Variants in PHLPP1 observed in about 807,000 individuals in gnomAD.
PHLPP1 encodes the protein PH domain and leucine rich repeat protein phosphatase 1.
In PHLPP1, 42 loss-of-function variants were observed where a neutral mutation model predicts 117.2. The ratio of observed to expected loss-of-function variants is 0.36; its 90% CI spans 0.28 to 0.46. PHLPP1 has a LOEUF of 0.46. PHLPP1 is among the 20% of genes least tolerant of loss of function. The pLI is 1.00. For synonymous variants in PHLPP1, 1,042 were observed against 970.7 expected, an observed-to-expected ratio of 1.07 and a Z score of -1.37; for missense variants, 2,084 against 2,241.9, an observed-to-expected ratio of 0.93 and a Z score of 1.42.
chr18:62,978,669 G>A lies in PHLPP1; in HGVS notation c.4392G>A (p.Leu1464=). Residue 1464 remains leucine (L), a synonymous_variant, in exon 17 of 17, where the codon CTG becomes CTA. Coordinates refer to ENST00000262719, the MANE Select transcript of PHLPP1 (RefSeq NM_194449.4). This position sits in a 1 kb window ranked among gnomAD's most constrained non-coding sequence, Gnocchi z 7.0. ...TCAAGGATCGGCCCTCAGATGGGCT[G>A]GGCGTGCCGTCCTCCAGCAGCGGCA... ...MVIKDRPSDG[L]GVPSSSSGMA... The A allele has an allele frequency of 6.2e-7, 1 of 1,613,898 alleles. No homozygotes were observed. The highest frequency in any genetic ancestry group is 8.5e-7 in the Non-Finnish European group (1 of 1,179,868).
chr18:62,715,661 G>C lies in PHLPP1; in HGVS notation c.-23G>C. 1 of 1,269,970 alleles carries C rather than the reference G, an allele frequency of 7.9e-7. No individual in the cohort carries two copies. Among genetic ancestry groups the C allele is most frequent in the Non-Finnish European group, 9.9e-7 (1 of 1,008,732 alleles). The allele number at this position is 1,269,970 out of a possible 1,614,324, so 78.7% of individuals were successfully genotyped here. On this transcript the variant is annotated 5_prime_UTR_variant, in exon 1 of 17. Transcript: ENST00000262719. ...CCGCCCGCTGCCTCCGGAGCTGGGG[G>C]GGAAACGCGAAGCCCCACTGCAATG...
chr18:62,829,026 A>G (rs989810745), intron 1 of PHLPP1, among the ~76,000 whole-genome samples: 1 of 152,174 alleles, frequency 6.6e-6, no homozygotes, highest in Non-Finnish European at 1.5e-5. Context: ...TGCCTAACTA[A>G]TTCTGCCAAA....
At chr18:62,904,149 CA>C (rs1203993941) in intron 7 of PHLPP1, among the ~76,000 whole-genome samples, 1 of 152,184 alleles carries the variant, frequency 6.6e-6, no homozygotes, top group Non-Finnish European at 1.5e-5. Flanking sequence ...CTAGTGTAAT[CA>C]GTTTGGCTGA....
chr18:62,766,072 A>ATATATAT (rs1197342415), intron 1 of PHLPP1, among the ~76,000 whole-genome samples: 1 of 20,206 alleles, frequency 4.9e-5, no homozygotes, highest in South Asian at 2.0e-3. Context: ...AAAAAAAAAA[A>ATATATAT]AAAAATATAT....
chr18:62,836,826 C>T (rs967783590), intron 2 of PHLPP1, among the ~76,000 whole-genome samples: 1 of 151,600 alleles, frequency 6.6e-6, no homozygotes, highest in African/African-American at 2.4e-5. Flanking sequence ...CTTTGGGAGG[C>T]CAAGGCTGTA....
rs573709185 is a variant in PHLPP1 at position 62,883,300 on chromosome 18, G to C, written c.2067-11711G>C. ...GGAAACACCAGACAGCAGGCTGGGA[G>C]GGCGTGTTTGTAGCATTTGACAGTA... On this transcript the variant is annotated intron_variant, in intron 4 of 16. Transcript: ENST00000262719. Among the ~76,000 whole-genome samples, 4 of 152,292 alleles carry C rather than the reference G, an allele frequency of 2.6e-5. No homozygotes were observed. The South Asian group carries it at 8.3e-4, about 32-fold the overall frequency.
chr18:62,810,214 A>G (rs1176417574), intron 1 of PHLPP1, among the ~76,000 whole-genome samples: 2 of 152,170 alleles, frequency 1.3e-5, no homozygotes, highest in African/African-American at 4.8e-5. Flanking sequence ...GAATTTCCAG[A>G]TACAGTGCAT....
At chr18:62,803,682 A>G (rs1316983479) in intron 1 of PHLPP1, among the ~76,000 whole-genome samples, 16 of 152,204 alleles carry the variant, frequency 1.1e-4, no homozygotes. Flanking sequence ...AGTGCAATTT[A>G]CATGTATTTT....
chr18:62,917,396 T>TG (rs1909321733), intron 9 of PHLPP1, among the ~76,000 whole-genome samples: 15 of 141,492 alleles, frequency 1.1e-4, no homozygotes, highest in South Asian at 2.3e-4. Context: ...ACAGTATTCT[T>TG]TGTGTGTGTG....
chr18:62,783,218 C>CTTTTTTTTTTTTT (rs528614480), intron 1 of PHLPP1, among the ~76,000 whole-genome samples: 6 of 132,152 alleles, frequency 4.5e-5, no homozygotes, highest in African/African-American at 1.4e-4. Context: ...ACAAGCCTTT[C>CTTTTTTTTTTTTT]TTTTTTTTTT....
At chr18:62,947,376 A>G (rs2144461470) in intron 12 of PHLPP1, among the ~76,000 whole-genome samples, 1 of 152,384 alleles carries the variant, frequency 6.6e-6, no homozygotes, top group East Asian at 1.9e-4. Context: ...TGTTGATTAT[A>G]TAGAGCAACT....
intron 13 of PHLPP1, 120 bp downstream of exon 13, chr18:62,958,879 C>CTA: frequency 9.1e-7 from 1 of 1,100,586 alleles, no homozygotes; most frequent in Non-Finnish European, 1.3e-6. Flanking sequence ...TGTTAACACA[C>CTA]ACAACAGGAT....
intron 4 of PHLPP1, among the ~76,000 whole-genome samples, chr18:62,880,047 AT>A (rs1412389986): frequency 6.6e-6 from 1 of 152,100 alleles, no homozygotes; most frequent in African/African-American, 2.4e-5. Flanking sequence ...TTGTTCTCAA[AT>A]TGTTTCAAGT....
chr18:62,837,582 G>A (rs1914941881), intron 2 of PHLPP1: 1 of 151,368 alleles, frequency 6.6e-6, no homozygotes, highest in African/African-American at 2.4e-5. Context: ...TACATATTTG[G>A]TTTTCATTTC....
intron 1 of PHLPP1, among the ~76,000 whole-genome samples, chr18:62,737,745 G>A (rs570059932): frequency 7.2e-4 from 109 of 152,298 alleles, no homozygotes; most frequent in Non-Finnish European, 1.2e-3. Context: ...GGATTAGGAA[G>A]AGTAGACCAG....
intron 14 of PHLPP1, 122 bp downstream of exon 14, chr18:62,963,594 G>C (rs1196382690): frequency 1.4e-5 from 9 of 654,346 alleles, no homozygotes; most frequent in Admixed American, 8.5e-5. Flanking sequence ...TTTGAGTATT[G>C]CAAGTTTCCC....
chr18:62,776,065 T>TA (rs1052474924), intron 1 of PHLPP1, among the ~76,000 whole-genome samples: 20 of 151,952 alleles, frequency 1.3e-4, no homozygotes, highest in Non-Finnish European at 2.5e-4. Flanking sequence ...TAAAGAGATT[T>TA]AAAAAAATAT....
intron 3 of PHLPP1, among the ~76,000 whole-genome samples, chr18:62,850,114 G>C: frequency 6.6e-6 from 1 of 150,640 alleles, no homozygotes; most frequent in Non-Finnish European, 1.5e-5. Context: ...AACAGGCCGG[G>C]TGTGGTGGCT....
chr18:62,894,223 T>C (rs1391026773), intron 4 of PHLPP1, among the ~76,000 whole-genome samples: 1 of 152,142 alleles, frequency 6.6e-6, no homozygotes, highest in African/African-American at 2.4e-5. Context: ...TGAGATAGAG[T>C]GTCACTCTGT....
Sources: allele counts gnomAD v4.1 joint callset (sites outside exome capture counted in the v4.1 genomes callset), GRCh38; gene constraint gnomAD v4.1.1; non-coding constraint Gnocchi (gnomAD v3.1); transcripts MANE v1.5; gene names NCBI Gene and HGNC (gene_info 2026-07-23, HGNC 2026-07-21).